PCDHA9: variants seen among roughly 807,000 people sequenced by gnomAD.
PCDHA9 encodes the protein protocadherin alpha 9.
A neutral mutation model predicts 62.0 loss-of-function variants in PCDHA9; 62 were observed. The observed-to-expected ratio is 1.00, with a 90% CI of 0.81 to 1.23. PCDHA9 has a LOEUF of 1.23. Among genes scored for constraint, PCDHA9 ranks in the 50% most tolerant of loss-of-function variants. The pLI is 0.00. For missense variants in PCDHA9, 1,205 were observed against 1,249.8 expected, an observed-to-expected ratio of 0.96 and a Z score of 0.54; for synonymous variants, 557 against 567.6, an observed-to-expected ratio of 0.98 and a Z score of 0.27.
intron 3 of PCDHA9, among the ~76,000 whole-genome samples, chr5:140,986,555 T>A (rs1554248143): frequency 6.6e-6 from 1 of 152,214 alleles, no homozygotes; most frequent in African/African-American, 2.4e-5. Context: ...GCCAGGCTGC[T>A]TTGTTATCTG....
At chr5:140,928,836 C>T (rs1554206380) in intron 1 of PCDHA9, 1 of 1,614,168 alleles carries the variant, frequency 6.2e-7, no homozygotes. Context: ...CACTTTCCTC[C>T]TCTGTCACTC....
intron 1 of PCDHA9, among the ~76,000 whole-genome samples, chr5:140,935,180 T>C (rs781934014): frequency 3.9e-5 from 6 of 152,214 alleles, no homozygotes; most frequent in Non-Finnish European, 7.3e-5. Flanking sequence ...TTATTGCTGC[T>C]GGGTCAGTTG....
chr5:140,943,719 T>C (rs1198620937), intron 1 of PCDHA9, among the ~76,000 whole-genome samples: 2 of 152,126 alleles, frequency 1.3e-5, no homozygotes, highest in Non-Finnish European at 2.9e-5. Context: ...TTTAAAGGTC[T>C]GAGAGAATGA....
chr5:140,904,707 C>T (rs561558058), intron 1 of PCDHA9, among the ~76,000 whole-genome samples: 1 of 152,244 alleles, frequency 6.6e-6, no homozygotes, highest in African/African-American at 2.4e-5. Context: ...TCCCTTTTCA[C>T]CACATTCTGG....
At chr5:140,884,310 GGGCGTC>G (rs1301213144) in intron 1 of PCDHA9, 7 of 1,613,674 alleles carry the variant, frequency 4.3e-6, no homozygotes, top group Non-Finnish European at 5.9e-6. Flanking sequence ...GCTTCGTCGA[GGGCGTC>G]GGCAGGCGCT....
chr5:140,849,298 A>T lies in PCDHA9; in HGVS notation c.803A>T (p.Asp268Val), dbSNP rs1182153594. 25 of 1,269,106 alleles carry T rather than the reference A, an allele frequency of 2.0e-5. No individual in the cohort carries two copies. The highest frequency in any genetic ancestry group is 2.6e-5 in the Non-Finnish European group (24 of 927,200). 78.6% of individuals were successfully genotyped at this position (1,269,106 alleles called of 1,614,324 possible). The change falls in exon 1 of 4, where the codon GAT becomes GTT. Residue 268 changes from aspartate to valine, a missense_variant. Physicochemically the swap from Asp to Val is radical, Grantham distance 152. This residue lies in a region of PCDHA9 where 110 missense variants were observed against 227.2 expected (regional missense o/e 0.48). Transcript: ENST00000532602. ...CTGGTGATTCACCCCAATGCCTCAG[A>T]TTTAGACGAAGGCTTGAATGGGGAT... is the stretch of plus-strand genomic sequence containing the variant. ...GTLVIHPNAS[D>V]LDEGLNGDII... is the part of the protein sequence containing the mutation.
intron 1 of PCDHA9, among the ~76,000 whole-genome samples, chr5:140,948,646 G>A (rs1030231985): frequency 3.3e-5 from 5 of 151,616 alleles, no homozygotes; most frequent in South Asian, 2.1e-4. Context: ...ATCTTTTAAC[G>A]TCTGTATAAT....
Position 140,848,595 on chromosome 5 carries a change from T to C in PCDHA9, c.100T>C (p.Ser34Pro), listed in dbSNP as rs2150413668. The C allele has an allele frequency of 1.4e-5, 23 of 1,594,356 alleles. 3 individuals are homozygous for C. The highest frequency in any genetic ancestry group is 1.8e-5 in the Non-Finnish European group (21 of 1,164,532). Reference sequence around the variant, plus strand: ...GGTGGGGAGCGGCCAGCTCCACTACTCCGTCCCGGAGGAAGCCGAACACGG... The same window carrying C: ...GGTGGGGAGCGGCCAGCTCCACTACCCCGTCCCGGAGGAAGCCGAACACGG... ...WVVGSGQLHY[S>P]VPEEAEHGTF... Residue 34 changes from serine to proline, a missense_variant, in exon 1 of 4, where the codon TCC becomes CCC. This residue lies in a region of PCDHA9 where 208 missense variants were observed against 213.2 expected (regional missense o/e 0.98). Coordinates refer to ENST00000532602, the MANE Select transcript of PCDHA9 (RefSeq NM_031857.2).
At chr5:140,973,760 A>T (rs2153800993) in intron 1 of PCDHA9, among the ~76,000 whole-genome samples, 1 of 152,376 alleles carries the variant, frequency 6.6e-6, no homozygotes, top group Admixed American at 6.5e-5. Flanking sequence ...GCAGGGACAC[A>T]GCCTGGCATA....
chr5:140,978,175 G>A (rs1163383689), intron 1 of PCDHA9, among the ~76,000 whole-genome samples: 1 of 152,170 alleles, frequency 6.6e-6, no homozygotes, highest in Admixed American at 6.5e-5. Context: ...TTTGTAGAGA[G>A]AGGGCAACAG....
intron 1 of PCDHA9, chr5:140,856,071 TG>T: frequency 6.3e-7 from 1 of 1,591,920 alleles, no homozygotes; most frequent in East Asian, 2.2e-5. Flanking sequence ...TGTAGCTGCC[TG>T]GGGGTCCAGT....
At chr5:140,929,051 G>A (rs1398009156) in intron 1 of PCDHA9, 2 of 1,614,170 alleles carry the variant, frequency 1.2e-6, no homozygotes, top group South Asian at 1.1e-5. Flanking sequence ...AGCTGCTGTC[G>A]CTCTACAGAG....
At chr5:141,003,680 T>C (rs1167133667) in intron 3 of PCDHA9, among the ~76,000 whole-genome samples, 1 of 152,198 alleles carries the variant, frequency 6.6e-6, no homozygotes, top group African/African-American at 2.4e-5. Flanking sequence ...GTTGTTCTGA[T>C]TTTAAAATAT....
At chr5:140,983,034 C>T (rs923296416) in intron 3 of PCDHA9, among the ~76,000 whole-genome samples, 1 of 151,944 alleles carries the variant, frequency 6.6e-6, no homozygotes, top group Non-Finnish European at 1.5e-5. Context: ...GATGGTTTCT[C>T]ATGGAAGTGG....
intron 3 of PCDHA9, among the ~76,000 whole-genome samples, chr5:140,995,046 A>C (rs193191582): frequency 1.9e-4 from 29 of 152,184 alleles, no homozygotes; most frequent in Non-Finnish European, 3.7e-4. Context: ...CCTTAACTCT[A>C]CTGAATTTTC....
rs185115696 is a variant in PCDHA9, at chr5:140,899,982, A to G, written c.2394+49093A>G. Among the ~76,000 whole-genome samples the G allele has an allele frequency of 7.7e-3, 1,166 of 150,716 alleles. 5 individuals carry two copies. The highest frequency in any genetic ancestry group is 0.018 in the African/African-American group (738 of 41,016). On this transcript the variant is annotated intron_variant, in intron 1 of 3. Coordinates refer to ENST00000532602, the MANE Select transcript of PCDHA9 (RefSeq NM_031857.2). Reference sequence around the variant, plus strand: ...GCTGCCATGCCCAGCTACTTTTTTGATTTTTTTTGTAGAGATGAGGTCTCA... The same window carrying G: ...GCTGCCATGCCCAGCTACTTTTTTGGTTTTTTTTGTAGAGATGAGGTCTCA...
At chr5:140,968,494 C>T in intron 1 of PCDHA9, 1 of 1,614,096 alleles carries the variant, frequency 6.2e-7, no homozygotes, top group Non-Finnish European at 8.5e-7. Flanking sequence ...ATGACCATGC[C>T]CCTCACATTC....
chr5:141,009,582 G>A, intron 3 of PCDHA9, 45 bp from the exon 4 acceptor site: 1 of 1,590,226 alleles, frequency 6.3e-7, no homozygotes, highest in Non-Finnish European at 8.6e-7. Context: ...GGCATCAAGA[G>A]CATGTGTTGA....
intron 1 of PCDHA9, among the ~76,000 whole-genome samples, chr5:140,945,368 C>T (rs980832309): frequency 1.3e-5 from 2 of 151,844 alleles, no homozygotes; most frequent in African/African-American, 4.8e-5. Flanking sequence ...TTAAAATGTC[C>T]ATATTACCCA....
Sources: allele counts gnomAD v4.1 joint callset (sites outside exome capture counted in the v4.1 genomes callset), GRCh38; gene constraint gnomAD v4.1.1; regional missense constraint gnomAD v4.1.1; transcripts MANE v1.5; gene names NCBI Gene and HGNC (gene_info 2026-07-23, HGNC 2026-07-21).